Variants in TCP1 observed in about 807,000 individuals in gnomAD.
TCP1 encodes T-complex protein 1 subunit alpha.
Under a neutral mutation model 54.7 loss-of-function variants are expected in TCP1, and 6 were observed. The ratio of observed to expected loss-of-function variants is 0.11; its 90% CI spans 0.06 to 0.22. The LOEUF is 0.22. Among genes scored for constraint, TCP1 ranks in the 10% least tolerant of loss-of-function variants. The probability of loss-of-function intolerance (pLI) is 1.00; values close to 1 mark genes in which losing one functional copy is unlikely to be tolerated. For synonymous variants in TCP1, 225 were observed against 229.7 expected (o/e 0.98, Z 0.19); for missense variants, 511 against 678.2 (o/e 0.75, Z 2.74).
At chr6:159,784,107 T>G in intron 6 of TCP1, 40 bp from the exon 7 acceptor site, 1 of 1,593,340 alleles carries the variant, frequency 6.3e-7, no homozygotes, top group Non-Finnish European at 8.5e-7. Context: ...CGTCTATCCT[T>G]AAAAGCATAA....
At position 159,789,207 on chromosome 6, in the gene TCP1, G is replaced by A. The variant is rs982473487; in HGVS notation, c.64+198C>T. ...TCTCAAAACCCTGCCGCGCGCGGCG[G>A]GGCTCCTCCTCGCTGTGGGAAAAGT... On this transcript the variant is annotated intron_variant, in intron 1 of 11. Transcript: ENST00000321394. 1.0e-5 allele frequency: 6 copies of A among 578,726 alleles called. 1 individual carries two copies. The Admixed American group carries it at 1.2e-4, about 12-fold the overall frequency. The allele number at this position is 578,726 out of a possible 1,614,324, so 35.8% of individuals were successfully genotyped here.
chr6:159,789,393 G>A lies in TCP1; in HGVS notation c.64+12C>T, dbSNP rs1780794465. ...CGGCCGCAAACCCGACCCAGGCCCG[G>A]CCCGCCCTTACCGTTTTGGGAGCGG... On this transcript the variant is annotated intron_variant, in intron 1 of 11. Coordinates refer to ENST00000321394, the MANE Select transcript of TCP1 (RefSeq NM_030752.3). The A allele has an allele frequency of 1.2e-6, 2 of 1,613,368 alleles. No homozygotes were observed. The highest frequency in any genetic ancestry group is 1.7e-6 in the Non-Finnish European group (2 of 1,179,786).
chr6:159,779,549 T>C (rs1290937430), intron 11 of TCP1, 78 bp downstream of exon 11: 1 of 1,500,628 alleles, frequency 6.7e-7, no homozygotes, highest in Non-Finnish European at 8.9e-7. Flanking sequence ...TTATGTTTGC[T>C]GACATGTAAT....
At chr6:159,785,677 A>G (rs1041161888) in intron 4 of TCP1, 181 bp from the exon 5 acceptor site, 3 of 793,022 alleles carry the variant, frequency 3.8e-6, no homozygotes, top group Non-Finnish European at 6.8e-6. Flanking sequence ...AATCTATCCC[A>G]TAAGCATAGC....
intron 8 of TCP1, 91 bp downstream of exon 8, chr6:159,780,844 C>G: frequency 7.0e-7 from 1 of 1,422,904 alleles, no homozygotes; most frequent in Non-Finnish European, 9.4e-7. Context: ...TGTTTTTGAG[C>G]TGTTTTCTGT....
In TCP1 at chr6:159,783,882, ATGT is replaced by A. The variant is rs1780632844; in HGVS notation, c.797+56_797+58del. 7 of 1,513,876 alleles carry A rather than the reference ATGT, an allele frequency of 4.6e-6. No individual in the cohort carries two copies. In the South Asian group the frequency reaches 7.9e-5, roughly 17 times the overall value. 93.8% of individuals were successfully genotyped at this position (1,513,876 alleles called of 1,614,324 possible). A position where few individuals can be genotyped will look rare whatever the true frequency, so the allele number is the denominator to read the frequency against. ...GTAAAATAGTTTGACTTGGCTAAAAATGTTAAAGTCCTCCAAGACACTCACACT... is the reference window on the plus strand; with the variant it reads ...GTAAAATAGTTTGACTTGGCTAAAAATAAAGTCCTCCAAGACACTCACACT... On this transcript the variant is annotated intron_variant, in intron 7 of 11. Transcript: ENST00000321394.
intron 1 of TCP1, 152 bp from the exon 2 acceptor site, chr6:159,788,295 A>C (rs1297829374): frequency 4.4e-6 from 3 of 682,336 alleles, no homozygotes; most frequent in Non-Finnish European, 4.9e-6. Flanking sequence ...CCACCTACTA[A>C]GAGTGTAAAT....
At chr6:159,783,375 A>C (rs1351673254) in intron 7 of TCP1, among the ~76,000 whole-genome samples, 1 of 118,318 alleles carries the variant, frequency 8.5e-6, no homozygotes, top group Non-Finnish European at 1.7e-5. Context: ...CTACTGTTTA[A>C]ACTATTTTTT....
intron 3 of TCP1, among the ~76,000 whole-genome samples, chr6:159,787,077 T>C (rs557646017): frequency 5.6e-5 from 1 of 17,768 alleles, no homozygotes; most frequent in African/African-American, 1.7e-4. Flanking sequence ...ACCCTGTCTC[T>C]TAAAAAAAAA....
At chr6:159,785,178 G>A (rs1446105373) in intron 5 of TCP1, 5 of 606,996 alleles carry the variant, frequency 8.2e-6, no homozygotes, top group African/African-American at 3.7e-5. Flanking sequence ...TACTACGCAC[G>A]CGTGCGCGCA....
intron 7 of TCP1, among the ~76,000 whole-genome samples, chr6:159,781,440 A>C (rs1465483993): frequency 1.3e-5 from 2 of 152,204 alleles, no homozygotes; most frequent in African/African-American, 4.8e-5. Flanking sequence ...GATTACAAGC[A>C]CATAAAAGAC....
intron 3 of TCP1, among the ~76,000 whole-genome samples, chr6:159,786,660 CGTAA>C (rs1780704626): frequency 6.6e-6 from 1 of 152,160 alleles, no homozygotes; most frequent in African/African-American, 2.4e-5. Flanking sequence ...ATCACATTAT[CGTAA>C]GTTAGACAAA....
chr6:159,787,078 T>TAAAGAA (rs1554269420), intron 3 of TCP1, among the ~76,000 whole-genome samples: 1 of 133,616 alleles, frequency 7.5e-6, no homozygotes. Flanking sequence ...CCCTGTCTCT[T>TAAAGAA]AAAAAAAAAA....
chr6:159,784,131 T>TA, intron 6 of TCP1, 64 bp from the exon 7 acceptor site: 1 of 1,535,534 alleles, frequency 6.5e-7, no homozygotes, highest in Non-Finnish European at 8.7e-7. Flanking sequence ...AGAGTACCTA[T>TA]AATCGATTGT....
chr6:159,782,721 T>C (rs2114992757), intron 7 of TCP1, among the ~76,000 whole-genome samples: 1 of 152,242 alleles, frequency 6.6e-6, no homozygotes, highest in South Asian at 2.1e-4. Flanking sequence ...TAGAGGTATG[T>C]GTGTTTGGAG....
chr6:159,779,512 A>G, intron 11 of TCP1, 115 bp downstream of exon 11: 3 of 1,396,548 alleles, frequency 2.1e-6, no homozygotes, highest in Non-Finnish European at 1.9e-6. Context: ...GAAGTTTTTC[A>G]TGTTAAGTAT....
chr6:159,780,104 T>A lies in TCP1; in HGVS notation c.1098-17A>T. ...GCCTTAGTACTGTTCAAAACAAAAGTACAATTCTTGTAATAGCATTTTTAA... is the reference window on the plus strand; with the variant it reads ...GCCTTAGTACTGTTCAAAACAAAAGAACAATTCTTGTAATAGCATTTTTAA... On this transcript the variant is annotated splice_polypyrimidine_tract_variant and intron_variant, in intron 9 of 11. Coordinates refer to ENST00000321394, the MANE Select transcript of TCP1 (RefSeq NM_030752.3). The A allele has an allele frequency of 3.8e-6, 6 of 1,591,900 alleles. No homozygotes were observed. The highest frequency in any genetic ancestry group is 5.1e-6 in the Non-Finnish European group (6 of 1,171,202).
rs1289677282 is a variant in TCP1, at chr6:159,779,249, A to C, written c.1467T>G (p.Asp489Glu). The change falls in exon 12 of 12, where the codon GAT becomes GAG. Residue 489 changes from aspartate to glutamate, a missense_variant. Around this residue, in one of 5 missense-constraint regions of TCP1, gnomAD observed 88 missense variants for 153.1 expected, o/e 0.57. Transcript: ENST00000321394. ...ERKNLKWIGL[D>E]LSNGKPRDNK... is the part of the protein sequence containing the mutation. ...TGTCTCGAGGTTTACCATTGCTCAA[A>C]TCAAGACCAATCCTGCAATTAAGAA... 1 of 1,613,540 alleles carries C rather than the reference A, an allele frequency of 6.2e-7. No individual in the cohort carries two copies. Among genetic ancestry groups the C allele is most frequent in the East Asian group, 2.2e-5 (1 of 44,876 alleles).
At chr6:159,785,291 C>T (rs1009040979) in intron 5 of TCP1, 95 bp downstream of exon 5, 74 of 944,690 alleles carry the variant, frequency 7.8e-5, no homozygotes, top group Non-Finnish European at 6.7e-6. Context: ...CCTCAGCCTC[C>T]TTAGTAGCTG....
Sources: gnomAD v4.1 joint callset for allele counts (sites outside exome capture counted in the v4.1 genomes callset) on GRCh38, gnomAD v4.1.1 for gene constraint, gnomAD v4.1.1 regional missense constraint, MANE v1.5 for transcripts, NCBI Gene and HGNC (gene_info 2026-07-23, HGNC 2026-07-21) for gene names.